The following YTHDC2 variants were observed in gnomAD, a reference collection of about 807,000 sequenced individuals.
YTHDC2 encodes the protein 3'-5' RNA helicase YTHDC2.
Under a neutral mutation model 174.9 loss-of-function variants are expected in YTHDC2, and 45 were observed. The observed-to-expected ratio is 0.26, with a 90% CI of 0.20 to 0.33. The LOEUF is 0.33. YTHDC2 is among the 10% of genes least tolerant of loss of function. YTHDC2 has a pLI of 1.00. For synonymous variants in YTHDC2, 657 were observed against 574.5 expected (o/e 1.14, Z -2.05); for missense variants, 1,650 against 1,723.7 (o/e 0.96, Z 0.76).
chr5:113,568,179 C>T (rs1777475970), intron 23 of YTHDC2, among the ~76,000 whole-genome samples: 1 of 152,004 alleles, frequency 6.6e-6, no homozygotes, highest in Non-Finnish European at 1.5e-5. Context: ...TCTCATTTTT[C>T]TCATGCTAAC....
At chr5:113,527,824 T>A (rs991559784) in intron 4 of YTHDC2, among the ~76,000 whole-genome samples, 4 of 152,172 alleles carry the variant, frequency 2.6e-5, no homozygotes, top group Non-Finnish European at 5.9e-5. Context: ...AGTCTCTGTC[T>A]GTCACCCAGG....
At chr5:113,555,210 A>T (rs1776519350) in intron 16 of YTHDC2, among the ~76,000 whole-genome samples, 1 of 152,050 alleles carries the variant, frequency 6.6e-6, no homozygotes, top group South Asian at 2.1e-4. Context: ...TTACTTATTT[A>T]TTAAGTAACT....
chr5:113,557,393 T>C (rs1177902672), intron 17 of YTHDC2, among the ~76,000 whole-genome samples: 1 of 152,232 alleles, frequency 6.6e-6, no homozygotes, highest in Non-Finnish European at 1.5e-5. Context: ...ACTTTGTAAC[T>C]TCATAGAATG....
intron 28 of YTHDC2, 87 bp from the exon 29 acceptor site, chr5:113,593,216 C>T (rs1439356730): frequency 5.7e-6 from 5 of 878,286 alleles, no homozygotes; most frequent in Non-Finnish European, 9.1e-6. Context: ...AAGTGATTTT[C>T]TTACATTTTT....
At chr5:113,589,408 A>ATATATATATATATATATATATATAT (rs1554103528) in intron 26 of YTHDC2, among the ~76,000 whole-genome samples, 6 of 123,234 alleles carry the variant, frequency 4.9e-5, no homozygotes, top group African/African-American at 2.0e-4. Context: ...AAAAAAAAAA[A>ATATATATATATATATATATATATAT]ATATATATAT....
rs538561428 is a variant in YTHDC2, at chr5:113,585,053, T to C, written c.3825+574T>C. ...ATCTCAGCCTCCGAGTGGCAGGGAT[T>C]ACAGGTGTGAGCCACCATGCCCAGC... On this transcript the variant is annotated intron_variant, in intron 26 of 29. Transcript: ENST00000161863. 4.6e-5 allele frequency among the ~76,000 whole-genome samples: 7 copies of C among 152,062 alleles called. No homozygotes were observed. The East Asian group carries it at 1.4e-3, about 29-fold the overall frequency.
At chr5:113,538,622 T>G (rs1775243557) in intron 7 of YTHDC2, among the ~76,000 whole-genome samples, 1 of 134,398 alleles carries the variant, frequency 7.4e-6, no homozygotes, top group Non-Finnish European at 1.5e-5. Context: ...ATTTTCTTAG[T>G]GAGGATACTT....
intron 8 of YTHDC2, 125 bp downstream of exon 8, chr5:113,539,306 T>C (rs887489808): frequency 2.5e-5 from 10 of 402,708 alleles, no homozygotes; most frequent in Non-Finnish European, 4.5e-5. Flanking sequence ...TATAATTGTA[T>C]AACCTTATAT....
At chr5:113,524,374 T>C (rs1370587684) in intron 2 of YTHDC2, among the ~76,000 whole-genome samples, 2 of 152,134 alleles carry the variant, frequency 1.3e-5, no homozygotes, top group African/African-American at 2.4e-5. Context: ...ACTTGAACAG[T>C]TACAAATCAT....
At chr5:113,548,690 C>T (rs535433887) in intron 11 of YTHDC2, 23 bp downstream of exon 11, 2 of 1,593,144 alleles carry the variant, frequency 1.3e-6, no homozygotes, top group Non-Finnish European at 1.7e-6. Flanking sequence ...TACGTTGATT[C>T]TTCATATATC....
intron 21 of YTHDC2, among the ~76,000 whole-genome samples, chr5:113,566,446 CTTTTTT>C (rs34372128): frequency 8.2e-6 from 1 of 122,440 alleles, no homozygotes; most frequent in Non-Finnish European, 1.7e-5. Context: ...TTGAAGTCAC[CTTTTTT>C]TTTTTTTTTT....
intron 7 of YTHDC2, among the ~76,000 whole-genome samples, chr5:113,536,640 C>G (rs1435892097): frequency 6.6e-6 from 1 of 152,100 alleles, no homozygotes; most frequent in African/African-American, 2.4e-5. Flanking sequence ...TCCTACTTTT[C>G]TGATTTATGG....
chr5:113,569,434 A>G (rs1777573074), intron 23 of YTHDC2, among the ~76,000 whole-genome samples: 1 of 152,126 alleles, frequency 6.6e-6, no homozygotes, highest in African/African-American at 2.4e-5. Context: ...TATGTCCTGA[A>G]TGGTATTGCC....
chr5:113,566,033 C>A lies in YTHDC2; in HGVS notation c.2842+14C>A. 1 of 1,591,028 alleles carries A rather than the reference C, an allele frequency of 6.3e-7. No homozygotes were observed. The highest frequency in any genetic ancestry group is 8.6e-7 in the Non-Finnish European group (1 of 1,169,414). On this transcript the variant is annotated intron_variant, in intron 21 of 29. Coordinates refer to ENST00000161863, the MANE Select transcript of YTHDC2 (RefSeq NM_022828.5). ...TTAGAGCATCAGGTAAAGTTTTTCC[C>A]TCAAAGAGCCTATTTAAGTTACTGA...
chr5:113,592,052 T>A lies in YTHDC2; in HGVS notation c.4086T>A (p.Ser1362=). Residue 1362 remains serine (S), a synonymous_variant, in exon 28 of 30, where the codon TCT becomes TCA. Coordinates refer to ENST00000161863, the MANE Select transcript of YTHDC2 (RefSeq NM_022828.5). ...GGGAAAAGAGTCAGGACTGGGGCTCTGCTGGACTAGGAGGAGTATTTAAGG... is the reference window on the plus strand; with the variant it reads ...GGGAAAAGAGTCAGGACTGGGGCTCAGCTGGACTAGGAGGAGTATTTAAGG... ...IGREKSQDWG[S]AGLGGVFKVE... is the part of the protein sequence containing the mutation. The A allele has an allele frequency of 6.2e-7, 1 of 1,613,032 alleles. No homozygotes were observed. The highest frequency in any genetic ancestry group is 8.5e-7 in the Non-Finnish European group (1 of 1,179,454).
At chr5:113,565,799 C>A in intron 20 of YTHDC2, 94 bp from the exon 21 acceptor site, 2 of 1,305,546 alleles carry the variant, frequency 1.5e-6, no homozygotes. Context: ...AAATTCACGT[C>A]GAGGAATTCG....
Position 113,529,496 on chromosome 5 carries a change from C to A in YTHDC2, c.675+2711C>A, listed in dbSNP as rs189724654. 2.9e-3 allele frequency among the ~76,000 whole-genome samples: 445 copies of A among 152,240 alleles called. 3 individuals carry two copies. Among genetic ancestry groups the A allele is most frequent in the African/African-American group, 0.01 (417 of 41,556 alleles). ...ACTCTAAAAAAGAGTTAACATCTTT[C>A]TGTACTGAAAGTATTGAAAGTTCTT... On this transcript the variant is annotated intron_variant, in intron 4 of 29. Transcript: ENST00000161863.
chr5:113,566,205 T>C (rs1226148477), intron 21 of YTHDC2, among the ~76,000 whole-genome samples, 186 bp downstream of exon 21: 1 of 152,142 alleles, frequency 6.6e-6, no homozygotes, highest in Non-Finnish European at 1.5e-5. Flanking sequence ...GATGAAAAAA[T>C]GCTATTGCAG....
chr5:113,553,449 G>A, intron 13 of YTHDC2, 90 bp downstream of exon 13: 1 of 1,419,246 alleles, frequency 7.0e-7, no homozygotes, highest in Non-Finnish European at 9.5e-7. Context: ...TAATTGCACT[G>A]ATAGTAGTAA....
Sources: allele counts gnomAD v4.1 joint callset (sites outside exome capture counted in the v4.1 genomes callset), GRCh38; gene constraint gnomAD v4.1.1; transcripts MANE v1.5; gene names NCBI Gene and HGNC (gene_info 2026-07-23, HGNC 2026-07-21).